FAM204A: variants seen among roughly 807,000 people sequenced by gnomAD.
FAM204A encodes the protein family with sequence similarity 204 member A.
In FAM204A, 16 loss-of-function variants were observed where a neutral mutation model predicts 35.4. The ratio of observed to expected loss-of-function variants is 0.45; its 90% confidence interval spans 0.31 to 0.69. The LOEUF is 0.69. Ranked by LOEUF, FAM204A falls within the 30% of genes least tolerant of loss-of-function variation. FAM204A has a pLI of 0.07. For synonymous variants in FAM204A, 76 were observed against 86.9 expected (o/e 0.88, Z 0.70); for missense variants, 240 against 265.7 (o/e 0.90, Z 0.67).
intron 7 of FAM204A, among the ~76,000 whole-genome samples, chr10:118,313,140 T>C (rs1212434447): frequency 6.6e-6 from 1 of 152,090 alleles, no homozygotes. Context: ...AAACTATCCA[T>C]TTGTCATACA....
In FAM204A at chr10:118,298,022, T is replaced by C. The variant is rs1845767748; in HGVS notation, c.*12835A>G. ...CCTTACAGAACAATGACCCAAAAAA[T>C]TACCCAAGATCAGACTAGTGAGTAG... On this transcript the variant is annotated 3_prime_UTR_variant, in exon 9 of 9. Coordinates refer to ENST00000369183, the MANE Select transcript of FAM204A (RefSeq NM_022063.3). 6.6e-6 allele frequency: 1 copy of C among 152,166 alleles called. No homozygotes were observed. Among genetic ancestry groups the C allele is most frequent in the South Asian group, 2.1e-4 (1 of 4,828 alleles). 9.4% of individuals were successfully genotyped at this position (152,166 alleles called of 1,614,324 possible).
rs1564753137 is a variant in FAM204A, at chr10:118,310,684, A to G, written c.*173T>C. The G allele has an allele frequency of 6.7e-6, 4 of 597,364 alleles. No homozygotes were observed. The highest frequency in any genetic ancestry group is 8.6e-6 in the Non-Finnish European group (3 of 347,502). The allele number at this position is 597,364 out of a possible 1,614,324, so 37.0% of individuals were successfully genotyped here. A position where few individuals can be genotyped will look rare whatever the true frequency, so the allele number is the denominator to read the frequency against. ...AGAATGCTTCATTTTATTCACTTCAATAGGACAAAGTCCTTAAAGAAAGAC... is the reference window on the plus strand; with the variant it reads ...AGAATGCTTCATTTTATTCACTTCAGTAGGACAAAGTCCTTAAAGAAAGAC... On this transcript the variant is annotated 3_prime_UTR_variant, in exon 9 of 9. Transcript: ENST00000369183.
rs1845836351 is a variant in FAM204A at position 118,304,058 on chromosome 10, C to G, written c.*6799G>C. The G allele has an allele frequency of 6.6e-6, 1 of 152,202 alleles. No homozygotes were observed. Among genetic ancestry groups the G allele is most frequent in the African/African-American group, 2.4e-5 (1 of 41,456 alleles). 9.4% of individuals were successfully genotyped at this position (152,202 alleles called of 1,614,324 possible). On this transcript the variant is annotated 3_prime_UTR_variant, in exon 9 of 9. Transcript: ENST00000369183. ...TTGCACCATCTATTGCAATTCTGGT[C>G]TGGATGTCTGATTTGGCCAAGATCA...
intron 7 of FAM204A, among the ~76,000 whole-genome samples, chr10:118,320,433 A>G (rs1402545884): frequency 6.6e-6 from 1 of 151,982 alleles, no homozygotes; most frequent in Non-Finnish European, 1.5e-5. Flanking sequence ...TGTATAAGAA[A>G]AGAAAGTACC....
Position 118,299,032 on chromosome 10 carries a change from C to T in FAM204A, c.*11825G>A, listed in dbSNP as rs965100439. 6.6e-6 allele frequency: 1 copy of T among 152,226 alleles called. No individual in the cohort carries two copies. The highest frequency in any genetic ancestry group is 1.9e-4 in the East Asian group (1 of 5,196). The allele number at this position is 152,226 out of a possible 1,614,324, so 9.4% of individuals were successfully genotyped here. On this transcript the variant is annotated 3_prime_UTR_variant, in exon 9 of 9. Coordinates refer to ENST00000369183, the MANE Select transcript of FAM204A (RefSeq NM_022063.3). ...CCAAAATGGCGGCTGTAATCCTTCT[C>T]TGGCCCCCTGGACAGTGTACGTGTG...
chr10:118,299,641 A>G lies in FAM204A; in HGVS notation c.*11216T>C, dbSNP rs1845787438. ...AGCAGCTCTCCCTCCTCGGCCTCCC[A>G]AAGTGCTAGGATTACAGGAGTCGGC... is the stretch of plus-strand genomic sequence containing the variant. On this transcript the variant is annotated 3_prime_UTR_variant, in exon 9 of 9. Coordinates refer to ENST00000369183, the MANE Select transcript of FAM204A (RefSeq NM_022063.3). 1 of 152,168 alleles carries G rather than the reference A, an allele frequency of 6.6e-6. No homozygotes were observed. Among genetic ancestry groups the G allele is most frequent in the African/African-American group, 2.4e-5 (1 of 41,380 alleles). 9.4% of individuals were successfully genotyped at this position (152,168 alleles called of 1,614,324 possible).
intron 6 of FAM204A, among the ~76,000 whole-genome samples, chr10:118,332,651 AAAAC>A (rs943443266): frequency 2.0e-4 from 31 of 152,260 alleles, no homozygotes; most frequent in African/African-American, 7.0e-4. Flanking sequence ...CACTCTGCTA[AAAAC>A]AAACAAACAA....
At chr10:118,326,842 G>T (rs1187969175) in intron 6 of FAM204A, among the ~76,000 whole-genome samples, 1 of 152,178 alleles carries the variant, frequency 6.6e-6, no homozygotes, top group African/African-American at 2.4e-5. Context: ...CTTTGACTAT[G>T]ACCATTAGGC....
chr10:118,311,000 C>T, intron 8 of FAM204A, 92 bp from the exon 9 acceptor site: 1 of 1,305,300 alleles, frequency 7.7e-7, no homozygotes, highest in Non-Finnish European at 1.1e-6. Flanking sequence ...GCAAAACAAA[C>T]AAAAATTTTT....
At chr10:118,324,951 T>C (rs944727880) in intron 7 of FAM204A, among the ~76,000 whole-genome samples, 1 of 152,160 alleles carries the variant, frequency 6.6e-6, no homozygotes, top group Non-Finnish European at 1.5e-5. Flanking sequence ...ATGAAGTCCA[T>C]GGCTTTATAA....
intron 6 of FAM204A, among the ~76,000 whole-genome samples, chr10:118,333,720 A>G (rs759488969): frequency 9.2e-5 from 14 of 152,220 alleles, no homozygotes; most frequent in Non-Finnish European, 1.9e-4. Flanking sequence ...TAGCCAGCTC[A>G]GGCTCCTTGT....
In FAM204A at chr10:118,309,447, CAG is replaced by C. The variant is rs1456938604; in HGVS notation, c.*1408_*1409del. ...TGTTTCTGAATTTATATTATCAACC[CAG>C]AGAAAGTTTATATCAGACAGGTAGG... On this transcript the variant is annotated 3_prime_UTR_variant, in exon 9 of 9. Transcript: ENST00000369183. The C allele has an allele frequency of 6.6e-6, 1 of 152,022 alleles. No individual in the cohort carries two copies. Among genetic ancestry groups the C allele is most frequent in the African/African-American group, 2.4e-5 (1 of 41,376 alleles). 9.4% of individuals were successfully genotyped at this position (152,022 alleles called of 1,614,324 possible).
intron 7 of FAM204A, among the ~76,000 whole-genome samples, chr10:118,313,789 AT>A (rs1199724111): frequency 6.6e-6 from 1 of 152,222 alleles, no homozygotes; most frequent in Non-Finnish European, 1.5e-5. Context: ...TCTGAACCAT[AT>A]TTGCCATGTA....
At position 118,300,033 on chromosome 10, in the gene FAM204A, T is replaced by A. The variant is rs778996457; in HGVS notation, c.*10824A>T. ...TAGCAACTGTATTGAGGACCGTCCATGACAGCTTGCTGATTTGGGGGAGAT... is the reference window on the plus strand; with the variant it reads ...TAGCAACTGTATTGAGGACCGTCCAAGACAGCTTGCTGATTTGGGGGAGAT... On this transcript the variant is annotated 3_prime_UTR_variant, in exon 9 of 9. Transcript: ENST00000369183. 1.3e-5 allele frequency: 2 copies of A among 152,228 alleles called. No individual in the cohort carries two copies. Among genetic ancestry groups the A allele is most frequent in the Non-Finnish European group, 2.9e-5 (2 of 68,054 alleles). 9.4% of individuals were successfully genotyped at this position (152,228 alleles called of 1,614,324 possible). A position where few individuals can be genotyped will look rare whatever the true frequency, so the allele number is the denominator to read the frequency against.
intron 7 of FAM204A, chr10:118,322,523 G>A (rs1394535503): frequency 7.6e-6 from 2 of 263,868 alleles, no homozygotes; most frequent in East Asian, 9.9e-5. Flanking sequence ...AAGGTCCTGA[G>A]AAACAAAGAA....
chr10:118,338,446 AG>A (rs1252239498), intron 2 of FAM204A, among the ~76,000 whole-genome samples: 1 of 152,230 alleles, frequency 6.6e-6, no homozygotes, highest in Non-Finnish European at 1.5e-5. Flanking sequence ...TTATCATTTA[AG>A]GACTTAAAAC....
At chr10:118,312,278 C>A (rs1845964957) in intron 7 of FAM204A, among the ~76,000 whole-genome samples, 1 of 152,144 alleles carries the variant, frequency 6.6e-6, no homozygotes, top group African/African-American at 2.4e-5. Flanking sequence ...ATCCCTTGTA[C>A]TCACCTGATG....
chr10:118,339,581 T>C (rs775982259), intron 2 of FAM204A, among the ~76,000 whole-genome samples: 3 of 152,242 alleles, frequency 2.0e-5, no homozygotes, highest in African/African-American at 4.8e-5. Context: ...TTGTTTAGCA[T>C]AGATTATAGC....
chr10:118,317,669 T>C (rs1430323577), intron 7 of FAM204A, among the ~76,000 whole-genome samples: 1 of 152,040 alleles, frequency 6.6e-6, no homozygotes, highest in Non-Finnish European at 1.5e-5. Context: ...ATCTTTAAAC[T>C]AGATGTAAAG....
Sources: gnomAD v4.1 joint callset for allele counts (sites outside exome capture counted in the v4.1 genomes callset) on GRCh38, gnomAD v4.1.1 for gene constraint, MANE v1.5 for transcripts, NCBI Gene and HGNC (gene_info 2026-07-23, HGNC 2026-07-21) for gene names.